The following MTFP1 variants were observed in gnomAD, a reference collection of about 807,000 sequenced individuals.
The protein encoded by MTFP1 is mitochondrial fission process protein 1.
In MTFP1, 19 loss-of-function variants were observed where a neutral mutation model predicts 17.1. The ratio of observed to expected loss-of-function variants is 1.11; its 90% CI spans 0.77 to 1.63. MTFP1 has a LOEUF of 1.63. Ranked by LOEUF, MTFP1 falls within the 40% of genes most tolerant of loss-of-function variation. The probability of loss-of-function intolerance (pLI) is 0.00; values close to 1 mark genes in which losing one functional copy is unlikely to be tolerated. For missense variants in MTFP1, 221 were observed against 226.2 expected (o/e 0.98, Z 0.15); for synonymous variants, 89 against 95.2 (o/e 0.93, Z 0.38).
intron 1 of MTFP1, 29 bp from the exon 2 acceptor site, chr22:30,426,688 G>A (rs1413518484): frequency 6.2e-7 from 1 of 1,612,706 alleles, no homozygotes; most frequent in East Asian, 2.2e-5. Context: ...ACAGTTGCGA[G>A]CCTAGGAATT....
chr22:30,427,134 C>G, intron 2 of MTFP1, 37 bp from the exon 3 acceptor site: 2 of 1,607,692 alleles, frequency 1.2e-6, no homozygotes, highest in Non-Finnish European at 8.5e-7. Flanking sequence ...TTTTCTGCCT[C>G]TGCCCCAGCT....
chr22:30,426,736 C>CTATGCCAAT lies in MTFP1; in HGVS notation c.87_88insTATGCCAAT (p.Gly29_Glu30insTyrAlaAsn). On this transcript the variant is annotated inframe_insertion, in exon 2 of 4. Transcript: ENST00000266263. ...CCCCAGGCTATGCCAATGAGGTGGG[C>CTATGCCAAT]GAGGCTTTCCGCTCTCTTGTGCCAG... The CTATGCCAAT allele has an allele frequency of 6.2e-7, 1 of 1,614,034 alleles. No homozygotes were observed. The highest frequency in any genetic ancestry group is 8.5e-7 in the Non-Finnish European group (1 of 1,179,982).
At chr22:30,426,996 G>A (rs1646982442) in intron 2 of MTFP1, 152 bp downstream of exon 2, 3 of 1,403,976 alleles carry the variant, frequency 2.1e-6, no homozygotes, top group South Asian at 1.2e-5. Flanking sequence ...TTGTAGGACA[G>A]TGTACCCCTG....
intron 3 of MTFP1, 87 bp from the exon 4 acceptor site, chr22:30,428,375 G>T (rs557322023): frequency 4.1e-5 from 47 of 1,133,740 alleles, no homozygotes; most frequent in Non-Finnish European, 5.9e-5. Context: ...GCATCTAAGC[G>T]CCCCTTTCCC....
chr22:30,427,046 G>T, intron 2 of MTFP1, 125 bp from the exon 3 acceptor site: 1 of 1,354,220 alleles, frequency 7.4e-7, no homozygotes. Context: ...GTGGCAGACT[G>T]TACCCCACTC....
At position 30,425,955 on chromosome 22, in the gene MTFP1, G is replaced by T; in HGVS notation, c.67+9G>T. 6.6e-7 allele frequency: 1 copy of T among 1,506,126 alleles called. No individual in the cohort carries two copies. The highest frequency in any genetic ancestry group is 1.3e-5 in the South Asian group (1 of 79,274). The allele number at this position is 1,506,126 out of a possible 1,614,324, so 93.3% of individuals were successfully genotyped here. A position where few individuals can be genotyped will look rare whatever the true frequency, so the allele number is the denominator to read the frequency against. On this transcript the variant is annotated intron_variant, in intron 1 of 3. Coordinates refer to ENST00000266263, the MANE Select transcript of MTFP1 (RefSeq NM_016498.5). ...GTGGGTGCGATACCTGGGTGAGCGC[G>T]GGGCGACGGGCGCGGCGACCCCACC...
Position 30,426,571 on chromosome 22 carries a change from T to A in MTFP1, c.68-146T>A, listed in dbSNP as rs1196124001. On this transcript the variant is annotated intron_variant, in intron 1 of 3. Coordinates refer to ENST00000266263, the MANE Select transcript of MTFP1 (RefSeq NM_016498.5). ...GTGGGCATCATGGCACCAGTTTACA[T>A]CTCGGAAAGGGAGGCTCAGAGAGGT... 34 of 1,091,914 alleles carry A rather than the reference T, an allele frequency of 3.1e-5. No individual in the cohort carries two copies. The East Asian group carries it at 8.8e-4, about 28-fold the overall frequency. 67.6% of individuals were successfully genotyped at this position (1,091,914 alleles called of 1,614,324 possible). A position where few individuals can be genotyped will look rare whatever the true frequency, so the allele number is the denominator to read the frequency against.
chr22:30,426,609 C>T, intron 1 of MTFP1, 108 bp from the exon 2 acceptor site: 8 of 1,446,098 alleles, frequency 5.5e-6, no homozygotes, highest in Non-Finnish European at 6.5e-6. Context: ...AGTCACTTGC[C>T]TAAGGTCACC....
intron 1 of MTFP1, 132 bp downstream of exon 1, chr22:30,426,078 T>G (rs1166801412): frequency 1.1e-6 from 1 of 935,738 alleles, no homozygotes; most frequent in Non-Finnish European, 1.5e-6. Flanking sequence ...GGCCGGAGAC[T>G]GGGCTCAGAC....
At position 30,425,947 on chromosome 22, in the gene MTFP1, G is replaced by T; in HGVS notation, c.67+1G>T. On this transcript the variant is annotated splice_donor_variant, in intron 1 of 3. Transcript: ENST00000266263. LOFTEE classifies it high-confidence loss of function. ...CGGGACACGTGGGTGCGATACCTGGGTGAGCGCGGGGCGACGGGCGCGGCG... is the reference window on the plus strand; with the variant it reads ...CGGGACACGTGGGTGCGATACCTGGTTGAGCGCGGGGCGACGGGCGCGGCG... The T allele has an allele frequency of 6.6e-7, 1 of 1,512,810 alleles. No individual in the cohort carries two copies. The highest frequency in any genetic ancestry group is 8.8e-7 in the Non-Finnish European group (1 of 1,130,218). 93.7% of individuals were successfully genotyped at this position (1,512,810 alleles called of 1,614,324 possible).
chr22:30,426,945 T>C, intron 2 of MTFP1, 101 bp downstream of exon 2: 1 of 1,566,598 alleles, frequency 6.4e-7, no homozygotes, highest in South Asian at 1.1e-5. Flanking sequence ...GACACTCCAG[T>C]CCCTACAACC....
At chr22:30,426,473 C>G (rs2072158) in intron 1 of MTFP1, among the ~76,000 whole-genome samples, 42,589 of 151,960 alleles carry the variant, frequency 0.28, 6,100 homozygotes, top group African/African-American at 0.32. Context: ...GGACCAAGAC[C>G]AGGAAATCTA....
Position 30,428,840 on chromosome 22 carries a change from T to A in MTFP1, c.*306T>A. On this transcript the variant is annotated 3_prime_UTR_variant, in exon 4 of 4. Transcript: ENST00000266263. Reference sequence around the variant, plus strand: ...CATCCTCCCATGGAGGATGAGAGACTGAGGCTCAGGGAGGGCAAGGAATAG... The same window carrying A: ...CATCCTCCCATGGAGGATGAGAGACAGAGGCTCAGGGAGGGCAAGGAATAG... The A allele has an allele frequency of 1.5e-6, 1 of 657,602 alleles. No homozygotes were observed. The highest frequency in any genetic ancestry group is 2.6e-6 in the Non-Finnish European group (1 of 386,010). The allele number at this position is 657,602 out of a possible 1,614,324, so 40.7% of individuals were successfully genotyped here. A position where few individuals can be genotyped will look rare whatever the true frequency, so the allele number is the denominator to read the frequency against.
In MTFP1 at chr22:30,428,588, T is replaced by A. The variant is rs1389895046; in HGVS notation, c.*54T>A. 6.2e-7 allele frequency: 1 copy of A among 1,614,052 alleles called. No individual in the cohort carries two copies. Among genetic ancestry groups the A allele is most frequent in the Non-Finnish European group, 8.5e-7 (1 of 1,180,030 alleles). On this transcript the variant is annotated 3_prime_UTR_variant, in exon 4 of 4. Coordinates refer to ENST00000266263, the MANE Select transcript of MTFP1 (RefSeq NM_016498.5). ...GGCCTCCTGCTTCATGTCAACCTCC[T>A]ACTCCTGCCAGGGAATGTGGACACC...
chr22:30,428,777 C>A lies in MTFP1; in HGVS notation c.*243C>A, dbSNP rs1329796516. Reference sequence around the variant, plus strand: ...TCCAAGATGCTGAGTGGAAGTGGACCCTGGGTGGGCCCGGCCCTGTCTTTT... The same window carrying A: ...TCCAAGATGCTGAGTGGAAGTGGACACTGGGTGGGCCCGGCCCTGTCTTTT... On this transcript the variant is annotated 3_prime_UTR_variant, in exon 4 of 4. Coordinates refer to ENST00000266263, the MANE Select transcript of MTFP1 (RefSeq NM_016498.5). 2.7e-6 allele frequency: 3 copies of A among 1,110,128 alleles called. No individual in the cohort carries two copies. The highest frequency in any genetic ancestry group is 4.0e-6 in the Non-Finnish European group (3 of 745,750). 68.8% of individuals were successfully genotyped at this position (1,110,128 alleles called of 1,614,324 possible). A position where few individuals can be genotyped will look rare whatever the true frequency, so the allele number is the denominator to read the frequency against.
At chr22:30,426,953 A>T in intron 2 of MTFP1, 109 bp downstream of exon 2, 5 of 1,552,368 alleles carry the variant, frequency 3.2e-6, no homozygotes, top group African/African-American at 1.4e-5. Flanking sequence ...AGTCCCTACA[A>T]CCTTGCCTAG....
intron 1 of MTFP1, among the ~76,000 whole-genome samples, chr22:30,426,227 C>T (rs1053499034): frequency 6.6e-6 from 1 of 152,288 alleles, no homozygotes; most frequent in East Asian, 1.9e-4. Flanking sequence ...CATTTCGGTC[C>T]TGACACGCAC....
chr22:30,428,835 G>A lies in MTFP1; in HGVS notation c.*301G>A. ...AATTACATCCTCCCATGGAGGATGA[G>A]AGACTGAGGCTCAGGGAGGGCAAGG... On this transcript the variant is annotated 3_prime_UTR_variant, in exon 4 of 4. Coordinates refer to ENST00000266263, the MANE Select transcript of MTFP1 (RefSeq NM_016498.5). 1 of 667,712 alleles carries A rather than the reference G, an allele frequency of 1.5e-6. No individual in the cohort carries two copies. The highest frequency in any genetic ancestry group is 2.5e-6 in the Non-Finnish European group (1 of 392,946). 41.4% of individuals were successfully genotyped at this position (667,712 alleles called of 1,614,324 possible). A position where few individuals can be genotyped will look rare whatever the true frequency, so the allele number is the denominator to read the frequency against.
At chr22:30,427,076 C>G in intron 2 of MTFP1, 95 bp from the exon 3 acceptor site, 2 of 1,450,852 alleles carry the variant, frequency 1.4e-6, no homozygotes, top group Non-Finnish European at 1.9e-6. Context: ...GACAAGTCCA[C>G]TGGCCACTTG....
Sources: allele counts gnomAD v4.1 joint callset (sites outside exome capture counted in the v4.1 genomes callset), GRCh38; gene constraint gnomAD v4.1.1; transcripts MANE v1.5; gene names NCBI Gene and HGNC (gene_info 2026-07-23, HGNC 2026-07-21).